The following ASTN2 variants were observed in gnomAD, a reference collection of about 807,000 sequenced individuals.
The protein encoded by ASTN2 is astrotactin-2.
In ASTN2, 54 loss-of-function variants were observed where a neutral mutation model predicts 139.8. The ratio of observed to expected loss-of-function variants is 0.39; its 90% confidence interval spans 0.31 to 0.48. The LOEUF (loss-of-function observed/expected upper bound fraction) is 0.48, where lower values mean the gene tolerates loss of function less well. Ranked by LOEUF, ASTN2 falls within the 20% of genes least tolerant of loss-of-function variation. The probability of loss-of-function intolerance (pLI) is 0.95; values close to 1 mark genes in which losing one functional copy is unlikely to be tolerated. For synonymous variants in ASTN2, 756 were observed against 719.5 expected, an observed-to-expected ratio of 1.05 and a Z score of -0.81; for missense variants, 1,565 against 1,725.1, an observed-to-expected ratio of 0.91 and a Z score of 1.64.
intron 19 of ASTN2, among the ~76,000 whole-genome samples, chr9:116,554,102 G>T (rs1377237266): frequency 6.6e-6 from 1 of 152,140 alleles, no homozygotes; most frequent in Non-Finnish European, 1.5e-5. Context: ...CACTATAGTA[G>T]TTACATTAGT....
At chr9:117,200,074 A>C (rs1284833576) in intron 3 of ASTN2, among the ~76,000 whole-genome samples, 1 of 150,340 alleles carries the variant, frequency 6.7e-6, no homozygotes, top group East Asian at 1.9e-4. Context: ...TATTATTATT[A>C]TTTTTTAAAT....
At chr9:116,826,740 C>T (rs1414866200) in intron 11 of ASTN2, among the ~76,000 whole-genome samples, 5 of 152,156 alleles carry the variant, frequency 3.3e-5, no homozygotes, top group African/African-American at 1.2e-4. Flanking sequence ...CAAAAACCTA[C>T]TAACACTGAA....
At chr9:116,981,462 A>T (rs895688335) in intron 7 of ASTN2, among the ~76,000 whole-genome samples, 1 of 152,254 alleles carries the variant, frequency 6.6e-6, no homozygotes, top group African/African-American at 2.4e-5. Flanking sequence ...TCTATTTTAC[A>T]TCAGAGCAGA....
At chr9:116,507,192 T>C (rs1587902237) in intron 19 of ASTN2, among the ~76,000 whole-genome samples, 1 of 152,134 alleles carries the variant, frequency 6.6e-6, no homozygotes, top group East Asian at 1.9e-4. Context: ...CTTACACCAA[T>C]AGTGAGCAAC....
At chr9:116,752,649 A>C (rs1043806263) in intron 13 of ASTN2, among the ~76,000 whole-genome samples, 1 of 152,230 alleles carries the variant, frequency 6.6e-6, no homozygotes, top group Admixed American at 6.5e-5. Flanking sequence ...TCCAAAATAT[A>C]CAAAGAATAC....
At chr9:116,475,524 G>C (rs556979230) in intron 20 of ASTN2, among the ~76,000 whole-genome samples, 2 of 152,248 alleles carry the variant, frequency 1.3e-5, no homozygotes, top group African/African-American at 4.8e-5. Context: ...CCACTGTCCT[G>C]CTCTCTGGAG....
chr9:117,128,616 C>T (rs1463763274), intron 4 of ASTN2, among the ~76,000 whole-genome samples: 1 of 152,098 alleles, frequency 6.6e-6, no homozygotes, highest in Non-Finnish European at 1.5e-5. Context: ...GGGTTGATGC[C>T]ATCTTTGTTT....
At chr9:116,542,185 A>G (rs1362879561) in intron 19 of ASTN2, among the ~76,000 whole-genome samples, 1 of 152,254 alleles carries the variant, frequency 6.6e-6, no homozygotes, top group Non-Finnish European at 1.5e-5. Flanking sequence ...AAACACCCTT[A>G]CATGTAAATC....
intron 16 of ASTN2, among the ~76,000 whole-genome samples, chr9:116,665,073 G>C (rs1028035506): frequency 3.3e-5 from 5 of 152,088 alleles, no homozygotes; most frequent in Non-Finnish European, 7.4e-5. Flanking sequence ...CTTGCCATGT[G>C]ATACACCTAC....
At chr9:117,000,185 T>C (rs1837155210) in intron 7 of ASTN2, among the ~76,000 whole-genome samples, 1 of 152,250 alleles carries the variant, frequency 6.6e-6, no homozygotes, top group African/African-American at 2.4e-5. Flanking sequence ...ATTTTTCATC[T>C]CATCCTTATG....
At chr9:116,887,814 C>T (rs1212417154) in intron 10 of ASTN2, among the ~76,000 whole-genome samples, 3 of 151,930 alleles carry the variant, frequency 2.0e-5, no homozygotes, top group Non-Finnish European at 4.4e-5. Flanking sequence ...ACTACAGGCC[C>T]GTACCACCAC....
intron 19 of ASTN2, among the ~76,000 whole-genome samples, chr9:116,490,056 A>G (rs1365752372): frequency 6.6e-6 from 1 of 152,002 alleles, no homozygotes; most frequent in African/African-American, 2.4e-5. Context: ...CTACAGAGTA[A>G]AGCCAAGGGT....
At chr9:117,075,556 C>T (rs1387709542) in intron 5 of ASTN2, among the ~76,000 whole-genome samples, 1 of 151,974 alleles carries the variant, frequency 6.6e-6, no homozygotes, top group Admixed American at 6.6e-5. Flanking sequence ...TTCATGGTCT[C>T]CCTTGTTTTC....
intron 3 of ASTN2, among the ~76,000 whole-genome samples, chr9:117,174,167 A>C (rs531073349): frequency 6.6e-6 from 1 of 150,400 alleles, no homozygotes; most frequent in Non-Finnish European, 1.5e-5. Flanking sequence ...AGATAGATAG[A>C]TAGATTAGAT....
intron 20 of ASTN2, among the ~76,000 whole-genome samples, chr9:116,475,470 A>G (rs1848948541): frequency 1.3e-5 from 2 of 151,746 alleles, no homozygotes; most frequent in South Asian, 4.2e-4. Flanking sequence ...GTAATAGAAC[A>G]TTTCCTGTAG....
At chr9:117,121,621 C>A (rs1014861976) in intron 4 of ASTN2, among the ~76,000 whole-genome samples, 3 of 152,192 alleles carry the variant, frequency 2.0e-5, no homozygotes. Flanking sequence ...AACAACCCTG[C>A]CATTTGTTAC....
chr9:116,582,541 C>A (rs1482919592), intron 19 of ASTN2: 4 of 152,246 alleles, frequency 2.6e-5, no homozygotes, highest in Non-Finnish European at 4.4e-5. Context: ...CAAACTAACT[C>A]CAAGCCTGTG....
intron 22 of ASTN2, among the ~76,000 whole-genome samples, chr9:116,434,507 C>T (rs570933219): frequency 3.3e-5 from 5 of 152,312 alleles, no homozygotes; most frequent in South Asian, 2.1e-4. Context: ...ATGATTTCTG[C>T]GATCTATTCG....
At chr9:116,456,258 G>A (rs10983167) in intron 20 of ASTN2, among the ~76,000 whole-genome samples, 53,901 of 151,812 alleles carry the variant, frequency 0.36, 10,464 homozygotes, top group Non-Finnish European at 0.44. Context: ...AAGGAATCCC[G>A]TTTACAATAG....
Sources: allele counts gnomAD v4.1 joint callset (sites outside exome capture counted in the v4.1 genomes callset), GRCh38; gene constraint gnomAD v4.1.1; transcripts MANE v1.5; gene names NCBI Gene and HGNC (gene_info 2026-07-23, HGNC 2026-07-21).